Variants in STK38L observed in about 807,000 individuals in gnomAD.
The protein encoded by STK38L is serine/threonine-protein kinase 38-like.
STK38L carries 28 observed loss-of-function variants against 59.7 expected under a neutral mutation model. The ratio of observed to expected loss-of-function variants is 0.47; its 90% CI spans 0.35 to 0.64. The LOEUF is 0.64. Ranked by LOEUF, STK38L falls within the 30% of genes least tolerant of loss-of-function variation. The pLI, the probability that STK38L is intolerant of heterozygous loss-of-function variation, is 0.01. For missense variants in STK38L, 314 were observed against 555.8 expected, an observed-to-expected ratio of 0.56 and a Z score of 4.37; for synonymous variants, 162 against 176.8, an observed-to-expected ratio of 0.92 and a Z score of 0.66.
intron 1 of STK38L, among the ~76,000 whole-genome samples, chr12:27,280,209 A>G (rs191947215): frequency 6.6e-5 from 10 of 152,308 alleles, no homozygotes; most frequent in Admixed American, 3.9e-4. Flanking sequence ...TTATTTTCAA[A>G]TCAGTTTCAC....
intron 1 of STK38L, among the ~76,000 whole-genome samples, chr12:27,249,586 C>T (rs1252595283): frequency 6.6e-6 from 1 of 152,212 alleles, no homozygotes; most frequent in Non-Finnish European, 1.5e-5. Flanking sequence ...GATCCGCCCG[C>T]CTCGGCCTCC....
chr12:27,310,760 G>T (rs940815504), intron 5 of STK38L, among the ~76,000 whole-genome samples: 1 of 152,190 alleles, frequency 6.6e-6, no homozygotes, highest in African/African-American at 2.4e-5. Context: ...ACAATATTTT[G>T]TGGGAAGTTA....
At chr12:27,276,112 T>G (rs148722943) in intron 1 of STK38L, among the ~76,000 whole-genome samples, 1 of 152,264 alleles carries the variant, frequency 6.6e-6, no homozygotes, top group East Asian at 1.9e-4. Context: ...ATGGAAAAAT[T>G]TAAGTATACA....
intron 3 of STK38L, among the ~76,000 whole-genome samples, chr12:27,306,313 G>C (rs1392487380): frequency 6.6e-6 from 1 of 151,854 alleles, no homozygotes; most frequent in African/African-American, 2.4e-5. Flanking sequence ...TAAAGGGAGA[G>C]ATTCAAAATA....
intron 1 of STK38L, among the ~76,000 whole-genome samples, chr12:27,281,910 C>T (rs1389019666): frequency 6.6e-6 from 1 of 152,048 alleles, no homozygotes; most frequent in Non-Finnish European, 1.5e-5. Flanking sequence ...ATGGCGGGCA[C>T]CTGTAATCCC....
chr12:27,320,725 A>G (rs1024412061), intron 12 of STK38L, among the ~76,000 whole-genome samples: 2 of 151,870 alleles, frequency 1.3e-5, no homozygotes, highest in African/African-American at 2.4e-5. Context: ...CTTACAAGTG[A>G]GGAAACTAAG....
Position 27,322,487 on chromosome 12 carries a change from A to G in STK38L, c.*32A>G, listed in dbSNP as rs376296037. The G allele has an allele frequency of 6.2e-7, 1 of 1,601,470 alleles. No individual in the cohort carries two copies. Among genetic ancestry groups the G allele is most frequent in the Admixed American group, 1.8e-5 (1 of 56,870 alleles). ...ATAACATTCACCCATAACCAAGAGA[A>G]CTCAGGTAGCTGCATCACCAGGCTT... On this transcript the variant is annotated 3_prime_UTR_variant, in exon 14 of 14. Coordinates refer to ENST00000389032, the MANE Select transcript of STK38L (RefSeq NM_015000.4).
intron 3 of STK38L, among the ~76,000 whole-genome samples, chr12:27,304,179 A>T (rs1591921627): frequency 6.8e-6 from 1 of 148,116 alleles, no homozygotes; most frequent in Admixed American, 6.8e-5. Flanking sequence ...GGATCACTTG[A>T]GCTCAGAAGG....
chr12:27,257,508 C>A (rs1483426699), intron 1 of STK38L, among the ~76,000 whole-genome samples: 7 of 152,180 alleles, frequency 4.6e-5, no homozygotes. Flanking sequence ...GAAACTATAA[C>A]CTACTCACTT....
intron 1 of STK38L, among the ~76,000 whole-genome samples, chr12:27,246,018 A>G (rs11048947): frequency 0.092 from 14,001 of 152,256 alleles, 822 homozygotes; most frequent in Non-Finnish European, 0.13. Context: ...GTTTTTCTCT[A>G]GCCATTTGCT....
intron 1 of STK38L, among the ~76,000 whole-genome samples, chr12:27,249,442 A>G (rs1026241156): frequency 6.6e-6 from 1 of 152,166 alleles, no homozygotes; most frequent in African/African-American, 2.4e-5. Flanking sequence ...GGTTCAAGTG[A>G]TTCTCTTGCC....
chr12:27,292,170 T>C (rs1943911053), intron 1 of STK38L, among the ~76,000 whole-genome samples: 2 of 152,246 alleles, frequency 1.3e-5, no homozygotes, highest in South Asian at 4.1e-4. Flanking sequence ...AAGAAAGGGC[T>C]TTAATAAAAC....
intron 10 of STK38L, 200 bp from the exon 11 acceptor site, chr12:27,317,696 G>A: frequency 2.6e-6 from 2 of 772,044 alleles, no homozygotes; most frequent in East Asian, 2.7e-5. Context: ...AGCTTTTCAG[G>A]TAAAAGGGGA....
intron 1 of STK38L, among the ~76,000 whole-genome samples, chr12:27,273,273 C>T (rs570393107): frequency 3.9e-5 from 6 of 152,108 alleles, no homozygotes; most frequent in South Asian, 4.2e-4. Flanking sequence ...GACTGGGAGC[C>T]GAATGGTGCC....
intron 8 of STK38L, 53 bp from the exon 9 acceptor site, chr12:27,315,236 T>C (rs1944558345): frequency 6.2e-7 from 1 of 1,601,412 alleles, no homozygotes; most frequent in Admixed American, 1.7e-5. Context: ...GTATTTTCTT[T>C]TTGTGGAGAG....
chr12:27,319,491 T>C, intron 12 of STK38L, 68 bp downstream of exon 12: 1 of 1,022,750 alleles, frequency 9.8e-7, no homozygotes, highest in Non-Finnish European at 1.5e-6. Flanking sequence ...GCAATTAATT[T>C]ACCTCTGATT....
At chr12:27,246,063 G>A (rs1292395375) in intron 1 of STK38L, among the ~76,000 whole-genome samples, 1 of 152,220 alleles carries the variant, frequency 6.6e-6, no homozygotes, top group African/African-American at 2.4e-5. Flanking sequence ...AAAGAATGGA[G>A]ACTGAGATGA....
intron 3 of STK38L, among the ~76,000 whole-genome samples, chr12:27,306,888 G>A (rs992133836): frequency 6.6e-5 from 10 of 151,850 alleles, no homozygotes; most frequent in South Asian, 2.1e-4. Context: ...ATGCCACCAC[G>A]CCCGGCTAAT....
At chr12:27,291,449 T>G (rs1344222370) in intron 1 of STK38L, among the ~76,000 whole-genome samples, 1 of 152,196 alleles carries the variant, frequency 6.6e-6, no homozygotes, top group Non-Finnish European at 1.5e-5. Context: ...AAGCACTGAT[T>G]TCTCCCTACT....
Sources: allele counts gnomAD v4.1 joint callset (sites outside exome capture counted in the v4.1 genomes callset), GRCh38; gene constraint gnomAD v4.1.1; transcripts MANE v1.5; gene names NCBI Gene and HGNC (gene_info 2026-07-23, HGNC 2026-07-21).